The following UBTD1 variants were observed in gnomAD, a reference collection of about 807,000 sequenced individuals.
UBTD1 encodes the protein ubiquitin domain-containing protein 1.
A neutral mutation model predicts 21.7 loss-of-function variants in UBTD1; 19 were observed. The ratio of observed to expected loss-of-function variants is 0.87; its 90% CI spans 0.61 to 1.28. The LOEUF (loss-of-function observed/expected upper bound fraction) is 1.28. Ranked by LOEUF, UBTD1 falls within the 50% of genes most tolerant of loss-of-function variation. UBTD1 has a pLI of 0.00. For missense variants in UBTD1, 282 were observed against 315.1 expected (o/e 0.89, Z 0.80); for synonymous variants, 116 against 135.1 (o/e 0.86, Z 0.98).
intron 1 of UBTD1, among the ~76,000 whole-genome samples, chr10:97,552,804 C>G (rs2040646560): frequency 6.6e-6 from 1 of 152,212 alleles, no homozygotes; most frequent in Non-Finnish European, 1.5e-5. Flanking sequence ...AGCATCCTAC[C>G]TCACCATCAC....
intron 1 of UBTD1, among the ~76,000 whole-genome samples, chr10:97,538,552 A>T (rs1283351602): frequency 6.6e-6 from 1 of 152,188 alleles, no homozygotes; most frequent in Non-Finnish European, 1.5e-5. Flanking sequence ...TTCAGCCCAG[A>T]CAGTGATATG....
At chr10:97,527,806 T>G (rs974481273) in intron 1 of UBTD1, among the ~76,000 whole-genome samples, 5 of 152,254 alleles carry the variant, frequency 3.3e-5, no homozygotes, top group African/African-American at 1.2e-4. Context: ...GGCAGAAGAA[T>G]TTTTCTTAGT....
intron 1 of UBTD1, among the ~76,000 whole-genome samples, chr10:97,528,597 A>G (rs71494066): frequency 1 from 37,085 of 37,176 alleles, 18,501 homozygotes; most frequent in Middle Eastern, 1. Flanking sequence ...CTCCCTCCCG[A>G]ACGGGGCGGC....
At chr10:97,559,524 AC>A (rs1167800719) in intron 1 of UBTD1, among the ~76,000 whole-genome samples, 3 of 152,246 alleles carry the variant, frequency 2.0e-5, no homozygotes, top group Non-Finnish European at 4.4e-5. Context: ...AAAACTCAAC[AC>A]CATTTTATAT....
chr10:97,500,569 A>G (rs897093005), intron 1 of UBTD1, among the ~76,000 whole-genome samples: 3 of 152,186 alleles, frequency 2.0e-5, no homozygotes, highest in African/African-American at 7.2e-5. Context: ...TGTTCAACAA[A>G]TATGTGTTCA....
At chr10:97,529,858 C>T (rs966996095) in intron 1 of UBTD1, among the ~76,000 whole-genome samples, 3 of 152,172 alleles carry the variant, frequency 2.0e-5, no homozygotes, top group Admixed American at 6.5e-5. Flanking sequence ...ATCTACCTGG[C>T]AGCACTGCTT....
intron 1 of UBTD1, among the ~76,000 whole-genome samples, chr10:97,536,670 A>G (rs2040563336): frequency 6.6e-6 from 1 of 151,848 alleles, no homozygotes; most frequent in Non-Finnish European, 1.5e-5. Flanking sequence ...CGGCCTGCAC[A>G]CTCTACCCAG....
chr10:97,506,111 G>A (rs2040398583), intron 1 of UBTD1, among the ~76,000 whole-genome samples: 4 of 152,086 alleles, frequency 2.6e-5, no homozygotes, highest in Admixed American at 2.6e-4. Context: ...TCTCAAAAGT[G>A]TTACCTCCCA....
At chr10:97,524,866 G>T (rs1029240087) in intron 1 of UBTD1, among the ~76,000 whole-genome samples, 1 of 152,172 alleles carries the variant, frequency 6.6e-6, no homozygotes, top group African/African-American at 2.4e-5. Context: ...GGTGGAGGAG[G>T]CCTGCCTACC....
chr10:97,524,831 T>C (rs1324762500), intron 1 of UBTD1, among the ~76,000 whole-genome samples: 2 of 152,148 alleles, frequency 1.3e-5, no homozygotes, highest in Non-Finnish European at 2.9e-5. Context: ...ATGTCTGGGC[T>C]CCAGCCAGTG....
At chr10:97,536,885 C>G (rs1401758763) in intron 1 of UBTD1, among the ~76,000 whole-genome samples, 1 of 152,070 alleles carries the variant, frequency 6.6e-6, no homozygotes, top group African/African-American at 2.4e-5. Flanking sequence ...TTCATTCATT[C>G]AGCTCACACA....
intron 1 of UBTD1, among the ~76,000 whole-genome samples, chr10:97,530,070 C>T (rs2040521243): frequency 6.6e-6 from 1 of 152,186 alleles, no homozygotes; most frequent in African/African-American, 2.4e-5. Flanking sequence ...TGCATGTGTG[C>T]ATTAGTTTCT....
intron 1 of UBTD1, among the ~76,000 whole-genome samples, chr10:97,511,366 G>A (rs1244058135): frequency 6.6e-6 from 1 of 152,018 alleles, no homozygotes; most frequent in East Asian, 1.9e-4. Context: ...GAAATATTTG[G>A]GTCATCAGTC....
At chr10:97,558,840 C>G (rs1388568887) in intron 1 of UBTD1, among the ~76,000 whole-genome samples, 1 of 152,114 alleles carries the variant, frequency 6.6e-6, no homozygotes, top group East Asian at 1.9e-4. Context: ...AGTTGAAAGA[C>G]CTATAAGGGG....
chr10:97,564,984 C>G (rs145294420), intron 1 of UBTD1, among the ~76,000 whole-genome samples: 1 of 152,162 alleles, frequency 6.6e-6, no homozygotes, highest in Non-Finnish European at 1.5e-5. Flanking sequence ...TTTAAGTCCC[C>G]GCCCCTTCAA....
At chr10:97,560,497 T>G (rs1324633456) in intron 1 of UBTD1, among the ~76,000 whole-genome samples, 2 of 152,162 alleles carry the variant, frequency 1.3e-5, no homozygotes, top group Non-Finnish European at 2.9e-5. Context: ...TATGCTGCTG[T>G]TATTTTAACT....
intron 1 of UBTD1, among the ~76,000 whole-genome samples, chr10:97,528,002 C>T (rs1263068977): frequency 1.3e-5 from 2 of 151,174 alleles, no homozygotes; most frequent in African/African-American, 4.9e-5. Context: ...CAGAGGGGCT[C>T]CTCACTTCCC....
intron 1 of UBTD1, among the ~76,000 whole-genome samples, chr10:97,552,491 G>C (rs1760224124): frequency 6.9e-6 from 1 of 144,974 alleles, no homozygotes; most frequent in Non-Finnish European, 1.5e-5. Flanking sequence ...CGCCTCCTCA[G>C]TTCAAGCAAT....
chr10:97,569,745 A>G (rs1239171129), intron 2 of UBTD1, among the ~76,000 whole-genome samples: 1 of 152,166 alleles, frequency 6.6e-6, no homozygotes, highest in African/African-American at 2.4e-5. Flanking sequence ...GTGTCCTCAC[A>G]TGGGGAGCGA....
Sources: allele counts gnomAD v4.1 joint callset (sites outside exome capture counted in the v4.1 genomes callset), GRCh38; gene constraint gnomAD v4.1.1; transcripts MANE v1.5; gene names NCBI Gene and HGNC (gene_info 2026-07-23, HGNC 2026-07-21).